The following KAT2A variants were observed in gnomAD, a reference collection of about 807,000 sequenced individuals.
KAT2A encodes lysine acetyltransferase 2A.
KAT2A carries 42 observed loss-of-function variants against 95.2 expected under a neutral mutation model. The ratio of observed to expected loss-of-function variants is 0.44; its 90% CI spans 0.34 to 0.57. KAT2A has a LOEUF of 0.57. KAT2A is among the 20% of genes least tolerant of loss of function. The pLI is 0.01. For synonymous variants in KAT2A, 449 were observed against 448.2 expected, an observed-to-expected ratio of 1.00 and a Z score of -0.02; for missense variants, 784 against 1,126.3, an observed-to-expected ratio of 0.70 and a Z score of 4.35.
At position 42,118,285 on chromosome 17, in the gene KAT2A, C is replaced by T. The variant is rs1555666556; in HGVS notation, c.1180+12G>A. On this transcript the variant is annotated intron_variant, in intron 7 of 17. Coordinates refer to ENST00000225916, the MANE Select transcript of KAT2A (RefSeq NM_021078.3). ...AGGCCAGACACCCTACAGAGCGTAC[C>T]ATGGCACATACCTGGCCGGGGAACC... is the stretch of plus-strand genomic sequence containing the variant. 6.3e-7 allele frequency: 1 copy of T among 1,580,472 alleles called. No individual in the cohort carries two copies. The highest frequency in any genetic ancestry group is 1.1e-5 in the South Asian group (1 of 90,344).
Position 42,119,831 on chromosome 17 carries a change from C to T in KAT2A, c.700-113G>A, listed in dbSNP as rs1053415822. On this transcript the variant is annotated intron_variant, in intron 4 of 17. Coordinates refer to ENST00000225916, the MANE Select transcript of KAT2A (RefSeq NM_021078.3). This position sits in a 1 kb window ranked among gnomAD's most constrained non-coding sequence, Gnocchi z 5.3. Reference sequence around the variant, plus strand: ...CCAGGGACAAGGTTCTCCTTCTCCTCTCTCTCTCGGGTGCTCTCTATAGAA... The same window carrying T: ...CCAGGGACAAGGTTCTCCTTCTCCTTTCTCTCTCGGGTGCTCTCTATAGAA... 2.9e-6 allele frequency: 3 copies of T among 1,043,392 alleles called. No individual in the cohort carries two copies. The highest frequency in any genetic ancestry group is 2.7e-5 in the Admixed American group (1 of 37,682). 64.6% of individuals were successfully genotyped at this position (1,043,392 alleles called of 1,614,324 possible). A position where few individuals can be genotyped will look rare whatever the true frequency, so the allele number is the denominator to read the frequency against.
rs782417443 is a variant in KAT2A, at chr17:42,117,667, G to A, written c.1428+11C>T. ...GGGTCCCCCAACTGGTCAGCAGGTC[G>A]GGCTGCCCACCTCAGGCCCCAGCAT... On this transcript the variant is annotated intron_variant, in intron 9 of 17. Transcript: ENST00000225916. The surrounding 1 kb of genome is among the most constrained non-coding windows in gnomAD (Gnocchi z 8.9). The A allele has an allele frequency of 5.0e-6, 8 of 1,606,742 alleles. No individual in the cohort carries two copies. Among genetic ancestry groups the A allele is most frequent in the African/African-American group, 4.0e-5 (3 of 74,806 alleles).
In KAT2A at chr17:42,117,387, C is replaced by T; in HGVS notation, c.1637+1G>A. ...GGGGAGGGGCTCTCTGGGGGACGCACGGGTCAAAGACGAGGCGGGCGATAT... is the reference window on the plus strand; with the variant it reads ...GGGGAGGGGCTCTCTGGGGGACGCATGGGTCAAAGACGAGGCGGGCGATAT... On this transcript the variant is annotated splice_donor_variant, in intron 10 of 17. Coordinates refer to ENST00000225916, the MANE Select transcript of KAT2A (RefSeq NM_021078.3). LOFTEE classifies it high-confidence loss of function. The surrounding 1 kb of genome is among the most constrained non-coding windows in gnomAD (Gnocchi z 8.9). 6 of 1,613,076 alleles carry T rather than the reference C, an allele frequency of 3.7e-6. No individual in the cohort carries two copies. The highest frequency in any genetic ancestry group is 1.7e-4 in the Middle Eastern group (1 of 5,896).
At chr17:42,120,513 C>T in intron 2 of KAT2A, 143 bp from the exon 3 acceptor site, 2 of 1,237,128 alleles carry the variant, frequency 1.6e-6, no homozygotes, top group Non-Finnish European at 2.3e-6. Flanking sequence ...CCGATATCAA[C>T]CGTTGGGTTG....
chr17:42,118,948 G>T, intron 6 of KAT2A: 2 of 1,019,460 alleles, frequency 2.0e-6, no homozygotes, highest in Non-Finnish European at 1.3e-6. Flanking sequence ...GGAGAGTTGT[G>T]CAGGGAAGGA....
In KAT2A at chr17:42,120,386, C is replaced by A. The variant is rs2054318975; in HGVS notation, c.464-16G>T. 2 of 1,613,708 alleles carry A rather than the reference C, an allele frequency of 1.2e-6. No individual in the cohort carries two copies. Among genetic ancestry groups the A allele is most frequent in the Non-Finnish European group, 1.7e-6 (2 of 1,179,768 alleles). On this transcript the variant is annotated splice_polypyrimidine_tract_variant and intron_variant, in intron 2 of 17. Coordinates refer to ENST00000225916, the MANE Select transcript of KAT2A (RefSeq NM_021078.3). The stretch of plus-strand genomic sequence containing the variant: ...ACGTGGTCAGCTGCAAGACAGATGG[C>A]AGAGTTAGGAAAAATTGATAGAAGA...
At chr17:42,115,900 G>T in intron 11 of KAT2A, 67 bp from the exon 12 acceptor site, 1 of 877,138 alleles carries the variant, frequency 1.1e-6, no homozygotes, top group Non-Finnish European at 2.0e-6. Flanking sequence ...AGGTCTCAGA[G>T]ACCAGAGAAG....
In KAT2A at chr17:42,114,759, C is replaced by T; in HGVS notation, c.2019+133G>A. ...TTCCCCAAGGGAGCAGAGCAAGAGCCAAGATCCTGGCCTGCCCCTCCTCAC... is the reference window on the plus strand; with the variant it reads ...TTCCCCAAGGGAGCAGAGCAAGAGCTAAGATCCTGGCCTGCCCCTCCTCAC... On this transcript the variant is annotated intron_variant, in intron 13 of 17. Coordinates refer to ENST00000225916, the MANE Select transcript of KAT2A (RefSeq NM_021078.3). This position sits in a 1 kb window ranked among gnomAD's most constrained non-coding sequence, Gnocchi z 6.0. 1 of 1,224,838 alleles carries T rather than the reference C, an allele frequency of 8.2e-7. No individual in the cohort carries two copies. Among genetic ancestry groups the T allele is most frequent in the Non-Finnish European group, 1.2e-6 (1 of 851,650 alleles). 75.9% of individuals were successfully genotyped at this position (1,224,838 alleles called of 1,614,324 possible).
rs782800781 is a variant in KAT2A, at chr17:42,117,521, G to A, written c.1504C>T (p.His502Tyr). 1.2e-6 allele frequency: 2 copies of A among 1,613,514 alleles called. No individual in the cohort carries two copies. The highest frequency in any genetic ancestry group is 2.2e-5 in the East Asian group (1 of 44,902). The change falls in exon 10 of 18, where the codon CAT becomes TAT. Residue 502 changes from histidine (H) to tyrosine (Y), a missense_variant. This residue lies in a region of KAT2A where 174 missense variants were observed against 324.9 expected (regional missense o/e 0.54). Transcript: ENST00000225916. This position sits in a 1 kb window ranked among gnomAD's most constrained non-coding sequence, Gnocchi z 8.9. ...GGCGTCAGTGAGTTGCCGATGACAT[G>A]GAACTCGATGATGCCGCGGCGCTCC... ...LEERRGIIEF[H>Y]VIGNSLTPKA...
chr17:42,115,691 A>C, intron 12 of KAT2A, 32 bp downstream of exon 12: 1 of 1,376,482 alleles, frequency 7.3e-7, no homozygotes, highest in Non-Finnish European at 1.0e-6. Flanking sequence ...CCTCCAGGCA[A>C]AGGACCGGTG....
At chr17:42,115,946 A>C in intron 11 of KAT2A, 113 bp from the exon 12 acceptor site, 1 of 731,220 alleles carries the variant, frequency 1.4e-6, no homozygotes, top group Non-Finnish European at 2.5e-6. Flanking sequence ...AGAGAGCGAG[A>C]GCATCCAGGC....
chr17:42,120,142 A>G, intron 3 of KAT2A, 23 bp from the exon 4 acceptor site: 2 of 1,613,640 alleles, frequency 1.2e-6, no homozygotes, highest in Non-Finnish European at 1.7e-6. Context: ...GGAAGGGGGC[A>G]TAGAGGGGAG....
intron 1 of KAT2A, 21 bp from the exon 2 acceptor site, chr17:42,120,850 C>A: frequency 1.2e-6 from 2 of 1,601,810 alleles, no homozygotes; most frequent in South Asian, 2.3e-5. Flanking sequence ...AAGGATCAGT[C>A]AATGACCTAT....
rs1431362816 is a variant in KAT2A at position 42,114,601 on chromosome 17, T to G, written c.2023A>C (p.Ile675Leu). The G allele has an allele frequency of 1.2e-6, 2 of 1,613,258 alleles. No homozygotes were observed. The highest frequency in any genetic ancestry group is 1.7e-6 in the Non-Finnish European group (2 of 1,179,664). The change falls in exon 14 of 18, where the codon ATC (isoleucine) becomes CTC (leucine). Residue 675 changes from isoleucine to leucine, a missense_variant. Coordinates refer to ENST00000225916, the MANE Select transcript of KAT2A (RefSeq NM_021078.3). The surrounding 1 kb of genome is among the most constrained non-coding windows in gnomAD (Gnocchi z 6.0). ...SHIIKKQKEI[I>L]KKLIERKQAQ... ...TGTTTGCGCTCAATCAGCTTCTTGA[T>G]GATCTGAGGGAAGGAAGGGACTGAG...
chr17:42,119,295 C>T lies in KAT2A; in HGVS notation c.1023G>A (p.Lys341=). The T allele has an allele frequency of 6.2e-7, 1 of 1,614,002 alleles. No individual in the cohort carries two copies. Among genetic ancestry groups the T allele is most frequent in the South Asian group, 1.1e-5 (1 of 91,076 alleles). The change falls in exon 6 of 18, where the codon AAG becomes AAA. Residue 341 remains lysine, a synonymous_variant. Coordinates refer to ENST00000225916, the MANE Select transcript of KAT2A (RefSeq NM_021078.3). This position sits in a 1 kb window ranked among gnomAD's most constrained non-coding sequence, Gnocchi z 5.3. The stretch of plus-strand genomic sequence containing the variant: ...TCCTCTTCTCGGGCACCAATTTGTC[C>T]TTCTCCACTCGGAACTTTTCCAGCA... ...RQLLEKFRVE[K]DKLVPEKRTL...
Position 42,115,023 on chromosome 17 carries a change from C to G in KAT2A, c.1888G>C (p.Asp630His). ...TAGCGGCTCTTGGGCACCTTGATGT[C>G]CTTGGAGAAACCCTGGGGGGTGGAT... ...GYFKKQGFSK[D>H]IKVPKSRYLG... is the part of the protein sequence containing the mutation. Residue 630 changes from aspartate (D) to histidine (H), a missense_variant, in exon 13 of 18, where the codon GAC (aspartate) becomes CAC (histidine). Asp to His is a moderately conservative substitution (Grantham distance 81, BLOSUM62 -1). Transcript: ENST00000225916. 6.2e-7 allele frequency: 1 copy of G among 1,613,792 alleles called. No homozygotes were observed. The highest frequency in any genetic ancestry group is 8.5e-7 in the Non-Finnish European group (1 of 1,179,882).
In KAT2A at chr17:42,120,819, G is replaced by T. The variant is rs782564898; in HGVS notation, c.350C>A (p.Thr117Asn). The change falls in exon 2 of 18, where the codon ACC becomes AAC. Residue 117 changes from threonine (T) to asparagine (N), a missense_variant. Around this residue, in one of 6 missense-constraint regions of KAT2A, gnomAD observed 208 missense variants for 339.7 expected, o/e 0.61. Transcript: ENST00000225916. ...GTTTTTCCAGCCATTACACTTACAG[G>T]TTTCATTGGCCTGGAGGTGGAAGGA... ...GVFSACKANE[T>N]CKCNGWKNPK... 3 of 1,611,414 alleles carry T rather than the reference G, an allele frequency of 1.9e-6. No individual in the cohort carries two copies. In the African/African-American group the frequency reaches 4.0e-5, roughly 22 times the overall value.
At chr17:42,120,153 G>C (rs781917492) in intron 3 of KAT2A, 34 bp from the exon 4 acceptor site, 23 of 1,613,232 alleles carry the variant, frequency 1.4e-5, no homozygotes, top group Non-Finnish European at 1.7e-5. Context: ...TAGAGGGGAG[G>C]GGGGCAGAGC....
intron 7 of KAT2A, 92 bp from the exon 8 acceptor site, chr17:42,118,109 A>T (rs2054287736): frequency 2.0e-5 from 13 of 643,830 alleles, no homozygotes; most frequent in South Asian, 7.2e-5. Flanking sequence ...GAGGAGAGAG[A>T]GAGTCAGGGA....
Sources: allele counts gnomAD v4.1 joint callset, GRCh38; gene constraint gnomAD v4.1.1; regional missense constraint gnomAD v4.1.1; non-coding constraint Gnocchi (gnomAD v3.1); transcripts MANE v1.5; gene names NCBI Gene and HGNC (gene_info 2026-07-23, HGNC 2026-07-21).